ANKS1B: variants seen among roughly 807,000 people sequenced by gnomAD.
ANKS1B encodes ankyrin repeat and sterile alpha motif domain-containing protein 1B.
ANKS1B carries 36 observed loss-of-function variants against 148.3 expected under a neutral mutation model. The observed-to-expected ratio is 0.24, with a 90% confidence interval of 0.19 to 0.32. The LOEUF is 0.32. Among genes scored for constraint, ANKS1B ranks in the 10% least tolerant of loss-of-function variants. The pLI is 1.00. For missense variants in ANKS1B, 1,157 were observed against 1,542.6 expected (o/e 0.75, Z 4.19); for synonymous variants, 542 against 560.8 (o/e 0.97, Z 0.47).
At chr12:99,712,943 A>G (rs894693992) in intron 8 of ANKS1B, among the ~76,000 whole-genome samples, 4 of 152,130 alleles carry the variant, frequency 2.6e-5, no homozygotes, top group African/African-American at 9.7e-5. Context: ...AACCTGAGTT[A>G]TTTTATTAGC....
intron 8 of ANKS1B, among the ~76,000 whole-genome samples, chr12:99,757,881 C>A (rs1299009709): frequency 6.6e-6 from 1 of 151,810 alleles, no homozygotes; most frequent in African/African-American, 2.4e-5. Context: ...TAAGTGGGAG[C>A]TAAGTGATGA....
intron 14 of ANKS1B, among the ~76,000 whole-genome samples, chr12:99,170,847 A>C (rs944889695): frequency 1.2e-4 from 19 of 152,204 alleles, no homozygotes; most frequent in African/African-American, 4.6e-4. Context: ...AAAGAGAAAA[A>C]GCAATGTGGG....
At chr12:99,374,245 A>C (rs933532947) in intron 12 of ANKS1B, among the ~76,000 whole-genome samples, 2 of 152,162 alleles carry the variant, frequency 1.3e-5, no homozygotes, top group African/African-American at 4.8e-5. Context: ...ATGTCATTTC[A>C]TTATAATGTT....
At chr12:99,281,722 T>C (rs756456439) in intron 12 of ANKS1B, among the ~76,000 whole-genome samples, 2 of 152,166 alleles carry the variant, frequency 1.3e-5, no homozygotes, top group African/African-American at 2.4e-5. Flanking sequence ...AGCAATTTCA[T>C]TAATAGAGAA....
intron 17 of ANKS1B, among the ~76,000 whole-genome samples, chr12:98,950,104 AGTGAAG>A (rs2099851792): frequency 3.3e-5 from 5 of 152,254 alleles, no homozygotes; most frequent in African/African-American, 1.2e-4. Context: ...GAAAGAAGTC[AGTGAAG>A]ATGCATTAAG....
chr12:99,983,969 G>T (rs927889172), intron 1 of ANKS1B, 135 bp downstream of exon 1: 2 of 736,222 alleles, frequency 2.7e-6, no homozygotes, highest in Non-Finnish European at 4.5e-6. Context: ...CTCCATACAC[G>T]CAGTCTGTTT....
At chr12:99,897,877 A>T (rs2153756602) in intron 1 of ANKS1B, among the ~76,000 whole-genome samples, 1 of 150,776 alleles carries the variant, frequency 6.6e-6, no homozygotes, top group Non-Finnish European at 1.5e-5. Flanking sequence ...AAACCCTGAA[A>T]ACTACCATCC....
chr12:99,238,572 G>T (rs543717851), intron 14 of ANKS1B, among the ~76,000 whole-genome samples: 10 of 152,314 alleles, frequency 6.6e-5, no homozygotes, highest in African/African-American at 2.2e-4. Flanking sequence ...TCAGCACAGC[G>T]TTTGAGCTCC....
chr12:99,481,739 G>A (rs2096413981), intron 10 of ANKS1B, among the ~76,000 whole-genome samples: 1 of 151,574 alleles, frequency 6.6e-6, no homozygotes. Flanking sequence ...TCTTGCAGGA[G>A]TAAGGTGGTT....
chr12:98,958,904 C>T (rs752261255), intron 17 of ANKS1B, among the ~76,000 whole-genome samples: 6 of 152,016 alleles, frequency 3.9e-5, no homozygotes, highest in Non-Finnish European at 8.8e-5. Context: ...AATTGTATCA[C>T]GTAGGGAGAC....
intron 12 of ANKS1B, among the ~76,000 whole-genome samples, chr12:99,381,140 T>A (rs1203483627): frequency 2.6e-5 from 4 of 152,208 alleles, no homozygotes; most frequent in African/African-American, 9.6e-5. Flanking sequence ...TCTTGCTGAC[T>A]CCTTGATTTC....
intron 8 of ANKS1B, among the ~76,000 whole-genome samples, chr12:99,680,078 G>C (rs12300749): frequency 6.6e-6 from 1 of 152,196 alleles, no homozygotes; most frequent in Admixed American, 6.5e-5. Flanking sequence ...TGAAAATCCA[G>C]ACCACGGGAG....
intron 1 of ANKS1B, among the ~76,000 whole-genome samples, chr12:99,911,301 GA>G (rs1471029198): frequency 5.9e-5 from 9 of 152,074 alleles, no homozygotes; most frequent in African/African-American, 1.9e-4. Context: ...ACCAAAAGCT[GA>G]AACCCAGACC....
At chr12:99,253,322 G>A (rs1463924314) in intron 12 of ANKS1B, among the ~76,000 whole-genome samples, 1 of 152,110 alleles carries the variant, frequency 6.6e-6, no homozygotes, top group Non-Finnish European at 1.5e-5. Flanking sequence ...GTTCAGATGT[G>A]AGAGCACCAC....
chr12:98,991,312 C>G (rs937758720), intron 17 of ANKS1B, among the ~76,000 whole-genome samples: 5 of 152,070 alleles, frequency 3.3e-5, no homozygotes, highest in African/African-American at 1.2e-4. Flanking sequence ...TTTGGATGTG[C>G]TGTTTGCATA....
intron 26 of ANKS1B, among the ~76,000 whole-genome samples, chr12:98,749,329 G>A (rs182576576): frequency 1.3e-5 from 2 of 151,462 alleles, no homozygotes; most frequent in East Asian, 1.9e-4. Flanking sequence ...GGAGAATCTC[G>A]ATCTCCTGAC....
chr12:98,752,004 G>A (rs2098106433), intron 25 of ANKS1B, among the ~76,000 whole-genome samples: 2 of 152,178 alleles, frequency 1.3e-5, no homozygotes, highest in Non-Finnish European at 2.9e-5. Flanking sequence ...GACTATTCCT[G>A]TAAATTGTGT....
chr12:99,028,126 T>C (rs1163043907), intron 17 of ANKS1B, among the ~76,000 whole-genome samples: 1 of 152,206 alleles, frequency 6.6e-6, no homozygotes, highest in East Asian at 1.9e-4. Context: ...TATGAGTGAA[T>C]TAAATATTTT....
chr12:99,063,352 C>T (rs1055400958), intron 16 of ANKS1B, among the ~76,000 whole-genome samples: 7 of 152,258 alleles, frequency 4.6e-5, no homozygotes, highest in Middle Eastern at 3.4e-3. Flanking sequence ...TGAAAATAAA[C>T]GAGGACAAGC....
Sources: allele counts gnomAD v4.1 joint callset (sites outside exome capture counted in the v4.1 genomes callset), GRCh38; gene constraint gnomAD v4.1.1; transcripts MANE v1.5; gene names NCBI Gene and HGNC (gene_info 2026-07-23, HGNC 2026-07-21).